The following SLC38A2 variants were observed in gnomAD, a reference collection of about 807,000 sequenced individuals.
The protein encoded by SLC38A2 is solute carrier family 38 member 2, also known as sodium-coupled neutral amino acid symporter 2.
SLC38A2 carries 11 observed loss-of-function variants against 61.5 expected under a neutral mutation model. The observed-to-expected ratio is 0.18, with a 90% CI of 0.11 to 0.30. The LOEUF (loss-of-function observed/expected upper bound fraction) is 0.30. SLC38A2 is among the 10% of genes least tolerant of loss of function. The probability of loss-of-function intolerance (pLI) is 1.00; values close to 1 mark genes in which losing one functional copy is unlikely to be tolerated. For missense variants in SLC38A2, 522 were observed against 600.4 expected (o/e 0.87, Z 1.36); for synonymous variants, 217 against 212.5 (o/e 1.02, Z -0.18).
rs907904918 is a variant in SLC38A2, at chr12:46,371,349, T to C, written c.-56A>G. ...AGTAGCGCTGGGCTCCTTTTGTCCT[T>C]GGCGGTGGGTGCAGCGGCCCGCGAG... On this transcript the variant is annotated 5_prime_UTR_variant, in exon 2 of 16. Transcript: ENST00000256689. 13 of 1,426,472 alleles carry C rather than the reference T, an allele frequency of 9.1e-6. No individual in the cohort carries two copies. Among genetic ancestry groups the C allele is most frequent in the Non-Finnish European group, 1.3e-5 (13 of 1,011,740 alleles). 88.4% of individuals were successfully genotyped at this position (1,426,472 alleles called of 1,614,324 possible). A position where few individuals can be genotyped will look rare whatever the true frequency, so the allele number is the denominator to read the frequency against.
At chr12:46,362,076 G>T in intron 15 of SLC38A2, 1 of 479,652 alleles carries the variant, frequency 2.1e-6, no homozygotes, top group Non-Finnish European at 3.7e-6. Context: ...TAACTTTATT[G>T]CAATTAATTT....
chr12:46,366,707 C>T (rs558355672), intron 7 of SLC38A2, among the ~76,000 whole-genome samples, 157 bp downstream of exon 7: 5 of 152,228 alleles, frequency 3.3e-5, no homozygotes, highest in South Asian at 2.1e-4. Flanking sequence ...CTCCAAAGTT[C>T]GAATCAGTTT....
In SLC38A2 at chr12:46,370,588, G is replaced by A; in HGVS notation, c.238C>T (p.Leu80=). Residue 80 remains leucine (L), a synonymous_variant, in exon 4 of 16, where the codon CTG becomes TTG. Transcript: ENST00000256689. ...TTSFGMSVFN[L]SNAIVGSGIL... ...CCACTGCCCACAATCGCATTGCTCA[G>A]ATTAAATACTGACATTCCAAAGGAA... is the stretch of plus-strand genomic sequence containing the variant. 6.2e-7 allele frequency: 1 copy of A among 1,614,120 alleles called. No individual in the cohort carries two copies. The highest frequency in any genetic ancestry group is 8.5e-7 in the Non-Finnish European group (1 of 1,179,988).
Position 46,372,492 on chromosome 12 carries a change from C to T in SLC38A2, c.-87+17G>A. On this transcript the variant is annotated intron_variant, in intron 1 of 15. Coordinates refer to ENST00000256689, the MANE Select transcript of SLC38A2 (RefSeq NM_018976.5). The stretch of plus-strand genomic sequence containing the variant: ...GGCCCCGCGCCCTTCCCACAGACGC[C>T]CCCCCGCACGCGTTACCTCGGTGGT... 1 of 389,862 alleles carries T rather than the reference C, an allele frequency of 2.6e-6. No individual in the cohort carries two copies. The highest frequency in any genetic ancestry group is 4.5e-6 in the Non-Finnish European group (1 of 220,794). The allele number at this position is 389,862 out of a possible 1,614,324, so 24.2% of individuals were successfully genotyped here.
rs1943090646 is a variant in SLC38A2, at chr12:46,362,395, T to C, written c.1325-14A>G. ...CTGCAGATGCACCTGTAAAACAACATTTATGTTTCTTGAGGATTCAATGAA... is the reference window on the plus strand; with the variant it reads ...CTGCAGATGCACCTGTAAAACAACACTTATGTTTCTTGAGGATTCAATGAA... On this transcript the variant is annotated splice_polypyrimidine_tract_variant and intron_variant, in intron 14 of 15. Transcript: ENST00000256689. The C allele has an allele frequency of 1.2e-6, 2 of 1,604,400 alleles. No homozygotes were observed. Among genetic ancestry groups the C allele is most frequent in the Non-Finnish European group, 1.7e-6 (2 of 1,176,530 alleles).
chr12:46,363,853 T>C (rs1034928319), intron 11 of SLC38A2, 27 bp from the exon 12 acceptor site: 1 of 1,587,688 alleles, frequency 6.3e-7, no homozygotes, highest in Non-Finnish European at 8.6e-7. Flanking sequence ...AAAATTCAAA[T>C]ATATATTTCA....
chr12:46,371,178 C>T lies in SLC38A2; in HGVS notation c.116G>A (p.Ser39Asn), dbSNP rs867536980. The T allele has an allele frequency of 1.2e-6, 2 of 1,614,104 alleles. No individual in the cohort carries two copies. Among genetic ancestry groups the T allele is most frequent in the Non-Finnish European group, 1.7e-6 (2 of 1,179,906 alleles). Residue 39 changes from serine to asparagine, a missense_variant and splice_region_variant, in exon 2 of 16, where the codon AGC becomes AAC. Transcript: ENST00000256689. ...TCAAAAGTGTCACAACTTCTCCCAC[C>T]TTTTCAGAGCAGCTTGCTTGGTGGG... ...SYPTKQAALK[S>N]HYADVDPENQ... is the part of the protein sequence containing the mutation.
intron 2 of SLC38A2, 63 bp downstream of exon 2, chr12:46,371,101 GGAAGCAGAGTCCTA>G: frequency 8.4e-7 from 1 of 1,196,702 alleles, no homozygotes; most frequent in Non-Finnish European, 1.3e-6. Flanking sequence ...TTAAAGCAAT[GGAAGCAGAGTCCTA>G]GGTAACTCCC....
At position 46,362,846 on chromosome 12, in the gene SLC38A2, T is replaced by A. The variant is rs1943097998; in HGVS notation, c.1179+175A>T. 4 of 974,770 alleles carry A rather than the reference T, an allele frequency of 4.1e-6. No homozygotes were observed. In the South Asian group the frequency reaches 7.4e-5, roughly 18 times the overall value. 60.4% of individuals were successfully genotyped at this position (974,770 alleles called of 1,614,324 possible). ...ATTTTATATCTTATGGTGAAAAAAATGTCCCCAGGGTATTTTGAAAATATA... is the reference window on the plus strand; with the variant it reads ...ATTTTATATCTTATGGTGAAAAAAAAGTCCCCAGGGTATTTTGAAAATATA... On this transcript the variant is annotated intron_variant, in intron 13 of 15. Coordinates refer to ENST00000256689, the MANE Select transcript of SLC38A2 (RefSeq NM_018976.5).
chr12:46,370,709 T>G, intron 3 of SLC38A2, 67 bp downstream of exon 3: 2 of 1,540,778 alleles, frequency 1.3e-6, no homozygotes, highest in South Asian at 1.1e-5. Context: ...AGATTTGAAT[T>G]CTAAAAGTAA....
At chr12:46,366,355 T>G (rs1240705205) in intron 7 of SLC38A2, among the ~76,000 whole-genome samples, 1 of 152,272 alleles carries the variant, frequency 6.6e-6, no homozygotes, top group African/African-American at 2.4e-5. Context: ...TTTTATACAG[T>G]ATTTTAATTA....
At chr12:46,363,699 TGTTTTG>T (rs773938826) in intron 12 of SLC38A2, 21 bp downstream of exon 12, 3 of 1,450,158 alleles carry the variant, frequency 2.1e-6, no homozygotes, top group Non-Finnish European at 1.9e-6. Context: ...TTTTTGTTTT[TGTTTTG>T]GTAAAGGAGG....
At chr12:46,362,947 A>C in intron 13 of SLC38A2, 74 bp downstream of exon 13, 1 of 1,565,900 alleles carries the variant, frequency 6.4e-7, no homozygotes, top group Non-Finnish European at 8.7e-7. Context: ...CTTCTTCCAG[A>C]AGATGAAAAT....
chr12:46,364,475 G>T lies in SLC38A2; in HGVS notation c.787C>A (p.Gln263Lys). ...INETINTTLTQPTALVPALSH... is the reference protein window; with the variant it reads ...INETINTTLTKPTALVPALSH... ...AAAGCAGGTACAAGAGCTGTTGGCT[G>T]TGTTAAGGTGGTGTTTATTGTTTCG... Residue 263 changes from glutamine to lysine, a missense_variant, in exon 10 of 16, where the codon CAG (glutamine) becomes AAG (lysine). Gln to Lys is a moderately conservative substitution (Grantham distance 53). This residue lies in a region of SLC38A2 where 309 missense variants were observed against 343.9 expected (regional missense o/e 0.90). Transcript: ENST00000256689. The T allele has an allele frequency of 6.2e-7, 1 of 1,613,130 alleles. No homozygotes were observed.
At position 46,367,086 on chromosome 12, in the gene SLC38A2, C is replaced by T; in HGVS notation, c.471G>A (p.Gln157=). 1 of 1,613,892 alleles carries T rather than the reference C, an allele frequency of 6.2e-7. No homozygotes were observed. Among genetic ancestry groups the T allele is most frequent in the Non-Finnish European group, 8.5e-7 (1 of 1,179,816 alleles). Residue 157 remains glutamine, a synonymous_variant, in exon 6 of 16, where the codon CAG becomes CAA. Coordinates refer to ENST00000256689, the MANE Select transcript of SLC38A2 (RefSeq NM_018976.5). The part of the protein sequence containing the change: ...KLAASGSITM[Q]NIGAMSSYLF... Reference sequence around the variant, plus strand: ...TTGAAAAATTCTTACCTCCAATGTTCTGCATTGTAATTGATCCAGATGCTG... The same window carrying T: ...TTGAAAAATTCTTACCTCCAATGTTTTGCATTGTAATTGATCCAGATGCTG...
intron 13 of SLC38A2, 149 bp downstream of exon 13, chr12:46,362,872 C>A: frequency 9.6e-7 from 1 of 1,044,054 alleles, no homozygotes; most frequent in Non-Finnish European, 1.4e-6. Context: ...TGAAAATATA[C>A]ACTGTATTTT....
Position 46,371,281 on chromosome 12 carries a change from C to A in SLC38A2, c.13G>T (p.Glu5Ter). The A allele has an allele frequency of 6.2e-7, 1 of 1,614,200 alleles. No homozygotes were observed. Among genetic ancestry groups the A allele is most frequent in the Non-Finnish European group, 8.5e-7 (1 of 1,180,012 alleles). Residue 5 changes from glutamate (E) to a stop codon, truncating the protein, a stop_gained, in exon 2 of 16, where the codon GAA becomes TAA. Coordinates refer to ENST00000256689, the MANE Select transcript of SLC38A2 (RefSeq NM_018976.5). LOFTEE classifies it high-confidence loss of function. ...GGGGAAATACTGAATCGTCCCATTT[C>A]GGCCTTCTTCATGCTAAGCACTGGG... MKKA[E>*]MGRFSISPDE... is the part of the protein sequence containing the mutation.
chr12:46,363,840 G>C lies in SLC38A2; in HGVS notation c.954-14C>G, dbSNP rs768128221. ...CTACGGCTGCGGCTATGTAATTCAA[G>C]AGAAAATTCAAATATATATTTCAGC... On this transcript the variant is annotated splice_polypyrimidine_tract_variant and intron_variant, in intron 11 of 15. Transcript: ENST00000256689. 3 of 1,585,704 alleles carry C rather than the reference G, an allele frequency of 1.9e-6. No homozygotes were observed. The African/African-American group carries it at 4.1e-5, about 22-fold the overall frequency.
At position 46,364,676 on chromosome 12, in the gene SLC38A2, A is replaced by T; in HGVS notation, c.673T>A (p.Ser225Thr). Residue 225 changes from serine to threonine, a missense_variant, in exon 9 of 16, where the codon TCC becomes ACC. Physicochemically the swap from Ser to Thr is moderately conservative, Grantham distance 58 (BLOSUM62 1). Coordinates refer to ENST00000256689, the MANE Select transcript of SLC38A2 (RefSeq NM_018976.5). ...AGAAAGAACACCATACACAACAAGGAAAGGCCACTGGTATATCCCAAATAT... is the reference window on the plus strand; with the variant it reads ...AGAAAGAACACCATACACAACAAGGTAAGGCCACTGGTATATCCCAAATAT... ...LGYLGYTSGL[S>T]LLCMVFFLIV... is the part of the protein sequence containing the mutation. 6.2e-7 allele frequency: 1 copy of T among 1,610,992 alleles called. No homozygotes were observed. The highest frequency in any genetic ancestry group is 8.5e-7 in the Non-Finnish European group (1 of 1,178,660).
Sources: gnomAD v4.1 joint callset for allele counts (sites outside exome capture counted in the v4.1 genomes callset) on GRCh38, gnomAD v4.1.1 for gene constraint, gnomAD v4.1.1 regional missense constraint, MANE v1.5 for transcripts, NCBI Gene and HGNC (gene_info 2026-07-23, HGNC 2026-07-21) for gene names.